DOCK7: variants seen among roughly 807,000 people sequenced by gnomAD.
The protein encoded by DOCK7 is dedicator of cytokinesis protein 7.
Under a neutral mutation model 271.0 loss-of-function variants are expected in DOCK7, and 138 were observed. That is an observed-to-expected ratio of 0.51 (90% confidence interval 0.44 to 0.59). The LOEUF (loss-of-function observed/expected upper bound fraction) is 0.59. DOCK7 is among the 20% of genes least tolerant of loss of function. The pLI, the probability that DOCK7 is intolerant of heterozygous loss-of-function variation, is 0.00. For synonymous variants in DOCK7, 823 were observed against 876.1 expected, an observed-to-expected ratio of 0.94 and a Z score of 1.07; for missense variants, 2,066 against 2,592.4, an observed-to-expected ratio of 0.80 and a Z score of 4.41.
chr1:62,650,637 T>C (rs1261346391), intron 4 of DOCK7, among the ~76,000 whole-genome samples: 6 of 152,122 alleles, frequency 3.9e-5, no homozygotes, highest in Non-Finnish European at 7.4e-5. Flanking sequence ...GGGCAAACGA[T>C]ATGAACAGAC....
chr1:62,543,795 G>T, intron 23 of DOCK7, 50 bp from the exon 24 acceptor site: 1 of 1,333,342 alleles, frequency 7.5e-7, no homozygotes, highest in Non-Finnish European at 1.1e-6. Context: ...CGTTTGCAGT[G>T]GATGACTTTG....
chr1:62,640,336 C>T (rs993365547), intron 7 of DOCK7, among the ~76,000 whole-genome samples: 2 of 152,070 alleles, frequency 1.3e-5, no homozygotes, highest in African/African-American at 4.8e-5. Flanking sequence ...ACATGGCCAA[C>T]ATGGGGAAAC....
At chr1:62,527,127 GA>G (rs973827429) in intron 31 of DOCK7, among the ~76,000 whole-genome samples, 5 of 151,864 alleles carry the variant, frequency 3.3e-5, no homozygotes, top group African/African-American at 4.8e-5. Flanking sequence ...CATTTTTCTG[GA>G]AAAAAATGTC....
rs374139266 is a variant in DOCK7 at position 62,492,682 on chromosome 1, A to T, written c.5361+22T>A. The stretch of plus-strand genomic sequence containing the variant: ...ATTAGAGGTATGAAACTGTGGGAAA[A>T]GAATTAACAAGAGTCATCTACCATA... On this transcript the variant is annotated intron_variant, in intron 41 of 49. Transcript: ENST00000635253. 6 of 1,613,244 alleles carry T rather than the reference A, an allele frequency of 3.7e-6. No individual in the cohort carries two copies. In the African/African-American group the frequency reaches 8.0e-5, roughly 22 times the overall value.
chr1:62,558,654 GT>G (rs1227855512), intron 20 of DOCK7, among the ~76,000 whole-genome samples: 3 of 152,122 alleles, frequency 2.0e-5, no homozygotes, highest in African/African-American at 7.2e-5. Context: ...CTGTTTGCCT[GT>G]TTTCTTAACT....
At chr1:62,682,998 T>C (rs558472326) in intron 1 of DOCK7, among the ~76,000 whole-genome samples, 36 of 152,278 alleles carry the variant, frequency 2.4e-4, no homozygotes, top group African/African-American at 6.0e-4. Context: ...AAGTCACCTA[T>C]TGAGAGAGTA....
intron 12 of DOCK7, among the ~76,000 whole-genome samples, chr1:62,622,683 C>A (rs904223633): frequency 2.0e-5 from 3 of 152,140 alleles, no homozygotes; most frequent in African/African-American, 4.8e-5. Flanking sequence ...GTAATCCCAG[C>A]ACTTTGGGAG....
At chr1:62,583,078 T>A (rs2149492450) in intron 16 of DOCK7, 106 bp downstream of exon 16, 1 of 862,604 alleles carries the variant, frequency 1.2e-6, no homozygotes, top group South Asian at 1.9e-5. Flanking sequence ...CAGCCTTGAA[T>A]TTGGCACATT....
intron 22 of DOCK7, among the ~76,000 whole-genome samples, chr1:62,549,860 C>T (rs1645835829): frequency 6.6e-6 from 1 of 152,110 alleles, no homozygotes; most frequent in African/African-American, 2.4e-5. Flanking sequence ...TCATTCTACT[C>T]TCCATCTCCA....
chr1:62,495,987 T>C (rs1040593934), intron 38 of DOCK7: 5 of 352,116 alleles, frequency 1.4e-5, no homozygotes, highest in African/African-American at 4.3e-5. Context: ...TTCTCTCCTA[T>C]ATTTCTGATT....
At chr1:62,543,817 T>C (rs1478840934) in intron 23 of DOCK7, 72 bp from the exon 24 acceptor site, 1 of 1,087,736 alleles carries the variant, frequency 9.2e-7, no homozygotes. Context: ...AGCTGATGGA[T>C]TATGTACAAG....
intron 41 of DOCK7, among the ~76,000 whole-genome samples, chr1:62,490,438 GAA>G (rs1646430989): frequency 6.6e-6 from 1 of 152,086 alleles, no homozygotes; most frequent in Non-Finnish European, 1.5e-5. Flanking sequence ...TGTAGTAAGA[GAA>G]GAGAGAGATG....
At chr1:62,618,571 T>C in intron 14 of DOCK7, 135 bp downstream of exon 14, 1 of 727,108 alleles carries the variant, frequency 1.4e-6, no homozygotes, top group Non-Finnish European at 2.3e-6. Context: ...AAACTATTAA[T>C]AAAATTGTGC....
chr1:62,676,817 A>T (rs1660593334), intron 1 of DOCK7, among the ~76,000 whole-genome samples: 1 of 152,240 alleles, frequency 6.6e-6, no homozygotes, highest in Non-Finnish European at 1.5e-5. Context: ...AAGCATACAG[A>T]TGCAGAAGGA....
In DOCK7 at chr1:62,623,585, G is replaced by T. The variant is rs528139160; in HGVS notation, c.1425+1674C>A. ...AAACAGCAGGCTGAAGAAATGAAAA[G>T]AAAGCTGTGGAAATACCAACAGAAG... On this transcript the variant is annotated intron_variant, in intron 12 of 49. Coordinates refer to ENST00000635253, the MANE Select transcript of DOCK7 (RefSeq NM_001367561.1). Among the ~76,000 whole-genome samples the T allele has an allele frequency of 5.3e-5, 8 of 152,314 alleles. No homozygotes were observed. The East Asian group carries it at 7.7e-4, about 15-fold the overall frequency.
intron 14 of DOCK7, among the ~76,000 whole-genome samples, chr1:62,593,854 C>G (rs1331093915): frequency 1.3e-5 from 2 of 151,914 alleles, no homozygotes; most frequent in African/African-American, 4.8e-5. Flanking sequence ...AAAAAACAAA[C>G]TATTGTAGTT....
intron 14 of DOCK7, among the ~76,000 whole-genome samples, chr1:62,600,743 T>G (rs931685469): frequency 1.5e-4 from 23 of 151,870 alleles, no homozygotes; most frequent in African/African-American, 5.3e-4. Flanking sequence ...ACTTAAAATC[T>G]GAACAGAATA....
chr1:62,519,588 T>C (rs1402611422), intron 31 of DOCK7, among the ~76,000 whole-genome samples: 1 of 152,134 alleles, frequency 6.6e-6, no homozygotes, highest in Non-Finnish European at 1.5e-5. Flanking sequence ...TTGATTATGA[T>C]AAACTTGTTC....
chr1:62,530,581 T>A (rs1326903334), intron 29 of DOCK7: 1 of 152,336 alleles, frequency 6.6e-6, no homozygotes, highest in Admixed American at 6.5e-5. Context: ...TCTTCTTTCT[T>A]CCAGCTCTTT....
Sources: allele counts gnomAD v4.1 joint callset (sites outside exome capture counted in the v4.1 genomes callset), GRCh38; gene constraint gnomAD v4.1.1; transcripts MANE v1.5; gene names NCBI Gene and HGNC (gene_info 2026-07-23, HGNC 2026-07-21).